BRINP2: variants seen among roughly 807,000 people sequenced by gnomAD.
BRINP2 encodes BMP/retinoic acid inducible neural specific 2, also known as BMP/retinoic acid-inducible neural-specific protein 2.
In BRINP2, 21 loss-of-function variants were observed where a neutral mutation model predicts 69.2. The observed-to-expected ratio is 0.30, with a 90% confidence interval of 0.22 to 0.44. The LOEUF (loss-of-function observed/expected upper bound fraction) is 0.44. BRINP2 is among the 20% of genes least tolerant of loss of function. The pLI, the probability that BRINP2 is intolerant of heterozygous loss-of-function variation, is 1.00. For synonymous variants in BRINP2, 380 were observed against 394.1 expected, an observed-to-expected ratio of 0.96 and a Z score of 0.42; for missense variants, 877 against 986.0, an observed-to-expected ratio of 0.89 and a Z score of 1.48.
intron 2 of BRINP2, among the ~76,000 whole-genome samples, chr1:177,230,499 G>T (rs1165063423): frequency 3.9e-5 from 6 of 152,196 alleles, no homozygotes; most frequent in Non-Finnish European, 8.8e-5. Flanking sequence ...CTGGGGCCAG[G>T]TTTTAACTAA....
intron 1 of BRINP2, among the ~76,000 whole-genome samples, chr1:177,181,687 G>A (rs1158998391): frequency 6.6e-6 from 1 of 152,248 alleles, no homozygotes; most frequent in Non-Finnish European, 1.5e-5. Context: ...TACGTCGTTA[G>A]GCAGGAGCAG....
intron 1 of BRINP2, among the ~76,000 whole-genome samples, chr1:177,176,361 C>T (rs1375921932): frequency 6.6e-6 from 1 of 152,004 alleles, no homozygotes; most frequent in African/African-American, 2.4e-5. Context: ...TGTAAAATAT[C>T]TCATCAATAT....
chr1:177,222,696 TA>T lies in BRINP2; in HGVS notation c.-76-7092del, dbSNP rs999499043. 4.3e-3 allele frequency among the ~76,000 whole-genome samples: 592 copies of T among 138,280 alleles called. 3 individuals are homozygous for T. Among genetic ancestry groups the T allele is most frequent in the African/African-American group, 6.2e-3 (235 of 37,772 alleles). The allele number at this position is 138,280 out of a possible 152,430, so 90.7% of individuals were successfully genotyped here. ...TGGAGTAGCACTATTATTGTTATCT[TA>T]AAAAAAAAAAAAGAAAAAGAAAAAA... On this transcript the variant is annotated intron_variant, in intron 1 of 7. Coordinates refer to ENST00000361539, the MANE Select transcript of BRINP2 (RefSeq NM_021165.4).
Position 177,281,668 on chromosome 1 carries a change from G to A in BRINP2, c.*140G>A, listed in dbSNP as rs986668496. On this transcript the variant is annotated 3_prime_UTR_variant, in exon 8 of 8. Coordinates refer to ENST00000361539, the MANE Select transcript of BRINP2 (RefSeq NM_021165.4). The stretch of plus-strand genomic sequence containing the variant: ...TCCAGTAGATGGGACCTCGAGGCTC[G>A]AGCTGAAGCAGGCGAGAGAGAAACA... 9 of 1,158,992 alleles carry A rather than the reference G, an allele frequency of 7.8e-6. No individual in the cohort carries two copies. The highest frequency in any genetic ancestry group is 1.5e-5 in the African/African-American group (1 of 65,054). 71.8% of individuals were successfully genotyped at this position (1,158,992 alleles called of 1,614,324 possible).
chr1:177,274,116 A>T (rs1243277510), intron 5 of BRINP2, among the ~76,000 whole-genome samples: 3 of 152,196 alleles, frequency 2.0e-5, no homozygotes, highest in Admixed American at 2.0e-4. Context: ...GATCTTGCAC[A>T]TGGGCAATTC....
intron 1 of BRINP2, among the ~76,000 whole-genome samples, chr1:177,201,808 C>T (rs1221856198): frequency 1.3e-5 from 2 of 152,076 alleles, no homozygotes; most frequent in African/African-American, 2.4e-5. Flanking sequence ...TGGTAGAATT[C>T]GGCTGTGAAT....
intron 5 of BRINP2, among the ~76,000 whole-genome samples, chr1:177,274,568 G>C (rs1244084986): frequency 1.3e-5 from 2 of 152,216 alleles, no homozygotes; most frequent in Non-Finnish European, 2.9e-5. Context: ...GGCTGGGTTT[G>C]TGTCTGGAAA....
At chr1:177,242,044 T>C (rs1199003607) in intron 2 of BRINP2, among the ~76,000 whole-genome samples, 1 of 152,230 alleles carries the variant, frequency 6.6e-6, no homozygotes, top group Non-Finnish European at 1.5e-5. Context: ...AATACACTTG[T>C]ATCTGCTACA....
chr1:177,239,674 G>A (rs914000861), intron 2 of BRINP2, among the ~76,000 whole-genome samples: 4 of 152,200 alleles, frequency 2.6e-5, no homozygotes, highest in African/African-American at 9.6e-5. Context: ...TTACAGTGAT[G>A]AGATTGGTGT....
intron 3 of BRINP2, chr1:177,256,581 G>A (rs1650767315): frequency 3.0e-6 from 3 of 985,320 alleles, no homozygotes; most frequent in South Asian, 4.7e-5. Context: ...CTTGTGGGGC[G>A]GAGAGTGGGG....
intron 4 of BRINP2, among the ~76,000 whole-genome samples, chr1:177,258,625 T>A (rs565535349): frequency 4.5e-4 from 69 of 152,374 alleles, no homozygotes; most frequent in African/African-American, 1.6e-3. Flanking sequence ...GTCAAACAAG[T>A]TTCCTGGCAC....
At chr1:177,231,679 T>C (rs374226574) in intron 2 of BRINP2, among the ~76,000 whole-genome samples, 1 of 152,362 alleles carries the variant, frequency 6.6e-6, no homozygotes, top group Non-Finnish European at 1.5e-5. Flanking sequence ...TGTGCTTAGA[T>C]GCAGTCTGGT....
chr1:177,236,183 T>C (rs932131337), intron 2 of BRINP2, among the ~76,000 whole-genome samples: 9 of 152,124 alleles, frequency 5.9e-5, no homozygotes, highest in African/African-American at 2.2e-4. Context: ...ACAGGTCCTG[T>C]AACATAAATA....
At chr1:177,228,505 C>T (rs1370955503) in intron 1 of BRINP2, among the ~76,000 whole-genome samples, 1 of 152,172 alleles carries the variant, frequency 6.6e-6, no homozygotes, top group African/African-American at 2.4e-5. Context: ...CTGAAGTCCA[C>T]ATTGTCTGCC....
At chr1:177,192,538 A>T (rs140681888) in intron 1 of BRINP2, among the ~76,000 whole-genome samples, 3 of 152,114 alleles carry the variant, frequency 2.0e-5, no homozygotes, top group Admixed American at 1.3e-4. Flanking sequence ...CTGTGCATAC[A>T]TGTTGGTTTG....
intron 1 of BRINP2, among the ~76,000 whole-genome samples, chr1:177,183,500 G>T (rs920310274): frequency 6.6e-6 from 1 of 152,152 alleles, no homozygotes; most frequent in South Asian, 2.1e-4. Context: ...TCTGCCCCAC[G>T]TAGGAGAGGA....
intron 2 of BRINP2, among the ~76,000 whole-genome samples, chr1:177,234,361 G>T (rs1432388789): frequency 1.3e-5 from 2 of 152,184 alleles, no homozygotes; most frequent in Non-Finnish European, 2.9e-5. Flanking sequence ...CCTTTGACTG[G>T]TAAGTGCATC....
chr1:177,179,246 A>G (rs1648175875), intron 1 of BRINP2, among the ~76,000 whole-genome samples: 1 of 152,260 alleles, frequency 6.6e-6, no homozygotes, highest in Non-Finnish European at 1.5e-5. Context: ...TCGGTCAGGG[A>G]AAGTCTCTTA....
intron 1 of BRINP2, among the ~76,000 whole-genome samples, chr1:177,228,069 C>A (rs1310507028): frequency 6.6e-6 from 1 of 152,226 alleles, no homozygotes; most frequent in Non-Finnish European, 1.5e-5. Context: ...TCGTATTCCA[C>A]TTCTGCAGTC....
Sources: gnomAD v4.1 joint callset for allele counts (sites outside exome capture counted in the v4.1 genomes callset) on GRCh38, gnomAD v4.1.1 for gene constraint, MANE v1.5 for transcripts, NCBI Gene and HGNC (gene_info 2026-07-23, HGNC 2026-07-21) for gene names.